FGF12: variants seen among roughly 807,000 people sequenced by gnomAD.
The protein encoded by FGF12 is fibroblast growth factor 12.
Under a neutral mutation model 23.6 loss-of-function variants are expected in FGF12, and 14 were observed. The ratio of observed to expected loss-of-function variants is 0.59; its 90% CI spans 0.39 to 0.93. The LOEUF (loss-of-function observed/expected upper bound fraction) is 0.93, where lower values mean the gene tolerates loss of function less well. Ranked by LOEUF, FGF12 falls within the 40% of genes least tolerant of loss-of-function variation. The probability of loss-of-function intolerance (pLI) is 0.00; values close to 1 mark genes in which losing one functional copy is unlikely to be tolerated. For missense variants in FGF12, 175 were observed against 217.8 expected, an observed-to-expected ratio of 0.80 and a Z score of 1.24; for synonymous variants, 62 against 77.3, an observed-to-expected ratio of 0.80 and a Z score of 1.04.
chr3:192,471,453 A>C (rs1723171488), intron 2 of FGF12, among the ~76,000 whole-genome samples: 1 of 152,264 alleles, frequency 6.6e-6, no homozygotes, highest in Admixed American at 6.5e-5. Flanking sequence ...CAGCAGTAAA[A>C]TAAAAATAAT....
intron 2 of FGF12, among the ~76,000 whole-genome samples, chr3:192,549,993 T>C (rs1031473287): frequency 6.6e-6 from 1 of 152,114 alleles, no homozygotes; most frequent in East Asian, 1.9e-4. Flanking sequence ...CAATCTCTTA[T>C]AATAAATCTC....
chr3:192,193,936 A>G (rs1716929646), intron 4 of FGF12, among the ~76,000 whole-genome samples: 1 of 152,120 alleles, frequency 6.6e-6, no homozygotes. Context: ...TTTTCTTTCT[A>G]CCAAATATAC....
intron 2 of FGF12, among the ~76,000 whole-genome samples, chr3:192,465,841 A>T (rs1722995599): frequency 6.6e-6 from 1 of 152,212 alleles, no homozygotes; most frequent in Non-Finnish European, 1.5e-5. Context: ...GCTCCCTCAG[A>T]GGAGACAGAA....
At chr3:192,660,192 G>T (rs1221204422) in intron 2 of FGF12, among the ~76,000 whole-genome samples, 1 of 150,626 alleles carries the variant, frequency 6.6e-6, no homozygotes, top group African/African-American at 2.4e-5. Flanking sequence ...AAAAAAGGAT[G>T]AGTTCATGTC....
At chr3:192,178,356 G>T (rs1312485283) in intron 4 of FGF12, among the ~76,000 whole-genome samples, 2 of 152,068 alleles carry the variant, frequency 1.3e-5, no homozygotes, top group African/African-American at 4.8e-5. Context: ...ATTAATCAGA[G>T]AAATAGACTT....
chr3:192,220,078 A>T (rs1201141802), intron 4 of FGF12, among the ~76,000 whole-genome samples: 1 of 151,726 alleles, frequency 6.6e-6, no homozygotes, highest in Non-Finnish European at 1.5e-5. Context: ...GGCCCTCATT[A>T]CTTCTTATCT....
intron 3 of FGF12, among the ~76,000 whole-genome samples, chr3:192,339,855 G>A (rs929918888): frequency 3.3e-5 from 5 of 152,136 alleles, no homozygotes; most frequent in African/African-American, 1.2e-4. Flanking sequence ...GTAATGTCTA[G>A]CCCAGGTACA....
intron 4 of FGF12, among the ~76,000 whole-genome samples, chr3:192,285,475 C>T (rs1326450094): frequency 6.6e-6 from 1 of 151,918 alleles, no homozygotes; most frequent in African/African-American, 2.4e-5. Context: ...AAATATCATT[C>T]ATATAGTTTG....
intron 2 of FGF12, among the ~76,000 whole-genome samples, chr3:192,435,821 T>C (rs1372750961): frequency 6.6e-6 from 1 of 152,196 alleles, no homozygotes; most frequent in East Asian, 1.9e-4. Flanking sequence ...CAGTGCAGAG[T>C]AATTTTCAAT....
chr3:192,272,894 C>A (rs908496979), intron 4 of FGF12, among the ~76,000 whole-genome samples: 4 of 152,158 alleles, frequency 2.6e-5, no homozygotes, highest in Non-Finnish European at 5.9e-5. Flanking sequence ...GTTTTATAGA[C>A]AAATCCTTCC....
chr3:192,230,026 C>A (rs1560201200), intron 4 of FGF12, among the ~76,000 whole-genome samples: 2 of 152,220 alleles, frequency 1.3e-5, no homozygotes, highest in South Asian at 4.1e-4. Flanking sequence ...TAACATCTTT[C>A]TACTTAAGCT....
intron 3 of FGF12, among the ~76,000 whole-genome samples, chr3:192,355,484 G>C (rs936386025): frequency 2.0e-5 from 3 of 152,184 alleles, no homozygotes; most frequent in African/African-American, 7.2e-5. Context: ...GCTTTTGACT[G>C]TGTCAATGAC....
intron 2 of FGF12, among the ~76,000 whole-genome samples, chr3:192,721,359 A>G (rs1006497710): frequency 2.0e-5 from 3 of 152,284 alleles, no homozygotes; most frequent in Admixed American, 2.0e-4. Context: ...AGAGAAACAG[A>G]GGTAAGATGA....
chr3:192,375,642 T>C (rs906415726), intron 2 of FGF12, among the ~76,000 whole-genome samples: 3 of 152,154 alleles, frequency 2.0e-5, no homozygotes, highest in African/African-American at 7.2e-5. Flanking sequence ...TTTACCATCT[T>C]TTTTGCTCAT....
In FGF12 at chr3:192,368,248, G is replaced by A. The variant is rs568797282; in HGVS notation, c.14-7710C>T. Among the ~76,000 whole-genome samples the A allele has an allele frequency of 1.2e-4, 19 of 152,288 alleles. No individual in the cohort carries two copies. In the South Asian group the frequency reaches 3.9e-3, roughly 32 times the overall value. On this transcript the variant is annotated intron_variant, in intron 2 of 5. Coordinates refer to ENST00000445105, the MANE Select transcript of FGF12 (RefSeq NM_004113.6). ...CATAGATGTGAAGCTGGAAAGAGGT[G>A]AGCACCATCAGCTCCAGCTCACCAA...
chr3:192,645,795 A>G (rs1283180310), intron 2 of FGF12, among the ~76,000 whole-genome samples: 5 of 128,252 alleles, frequency 3.9e-5, no homozygotes, highest in African/African-American at 6.1e-5. Flanking sequence ...AAAAAAAAAA[A>G]GTCTAGCTTT....
At chr3:192,477,909 A>G (rs1404170044) in intron 2 of FGF12, among the ~76,000 whole-genome samples, 3 of 152,242 alleles carry the variant, frequency 2.0e-5, no homozygotes, top group African/African-American at 7.2e-5. Flanking sequence ...GTTGTACTTT[A>G]CATCACTTAA....
intron 4 of FGF12, among the ~76,000 whole-genome samples, chr3:192,197,195 T>C (rs542406483): frequency 6.6e-5 from 10 of 152,334 alleles, no homozygotes; most frequent in African/African-American, 2.4e-4. Flanking sequence ...AGTATAAAAA[T>C]GTATTTTTAG....
chr3:192,188,817 CT>C (rs1716627305), intron 4 of FGF12, among the ~76,000 whole-genome samples: 1 of 152,200 alleles, frequency 6.6e-6, no homozygotes, highest in African/African-American at 2.4e-5. Flanking sequence ...GTGCAATGTG[CT>C]TTGAAAAGAA....
Sources: gnomAD v4.1 joint callset for allele counts (sites outside exome capture counted in the v4.1 genomes callset) on GRCh38, gnomAD v4.1.1 for gene constraint, MANE v1.5 for transcripts, NCBI Gene and HGNC (gene_info 2026-07-23, HGNC 2026-07-21) for gene names.